CSMD3: variants seen among roughly 807,000 people sequenced by gnomAD.
CSMD3 encodes the protein CUB and sushi domain-containing protein 3.
In CSMD3, 177 loss-of-function variants were observed where a neutral mutation model predicts 435.2. The observed-to-expected ratio is 0.41, with a 90% confidence interval of 0.36 to 0.46. The LOEUF is 0.46. CSMD3 is among the 20% of genes least tolerant of loss of function. The probability of loss-of-function intolerance (pLI) is 0.34; values close to 1 mark genes in which losing one functional copy is unlikely to be tolerated. For synonymous variants in CSMD3, 1,656 were observed against 1,520.5 expected, an observed-to-expected ratio of 1.09 and a Z score of -2.07; for missense variants, 4,265 against 4,504.6, an observed-to-expected ratio of 0.95 and a Z score of 1.52.
intron 31 of CSMD3, among the ~76,000 whole-genome samples, chr8:112,489,843 T>C (rs1053651523): frequency 2.0e-5 from 3 of 152,286 alleles, no homozygotes; most frequent in Admixed American, 1.3e-4. Flanking sequence ...TTTATTCGAT[T>C]TCCATAATAT....
intron 4 of CSMD3, among the ~76,000 whole-genome samples, chr8:113,169,519 AT>A (rs1160119882): frequency 6.6e-6 from 1 of 152,142 alleles, no homozygotes; most frequent in Non-Finnish European, 1.5e-5. Flanking sequence ...CAAATCATCA[AT>A]ACAATATACC....
At chr8:112,615,777 T>C (rs924697151) in intron 22 of CSMD3, among the ~76,000 whole-genome samples, 12 of 152,094 alleles carry the variant, frequency 7.9e-5, no homozygotes, top group Non-Finnish European at 1.6e-4. Flanking sequence ...GGAGCTGCTA[T>C]AGCCAAAATG....
At chr8:112,828,554 G>A (rs978826290) in intron 12 of CSMD3, among the ~76,000 whole-genome samples, 7 of 152,082 alleles carry the variant, frequency 4.6e-5, no homozygotes, top group Admixed American at 1.3e-4. Context: ...TAAGTTTCCC[G>A]AGGTCTCCCA....
chr8:113,357,067 T>C (rs1017371395), intron 1 of CSMD3, among the ~76,000 whole-genome samples: 3 of 152,152 alleles, frequency 2.0e-5, no homozygotes, highest in African/African-American at 7.2e-5. Context: ...TATACATACA[T>C]ATATTTATGT....
intron 54 of CSMD3, 79 bp from the exon 55 acceptor site, chr8:112,292,789 A>AAG: frequency 1.6e-6 from 2 of 1,223,938 alleles, no homozygotes; most frequent in Non-Finnish European, 1.2e-6. Flanking sequence ...ATTATTGATT[A>AAG]TACTTAATCA....
rs571512083 is a variant in CSMD3 at position 113,407,941 on chromosome 8, G to A, written c.178+28736C>T. On this transcript the variant is annotated intron_variant, in intron 1 of 70. Coordinates refer to ENST00000297405, the MANE Select transcript of CSMD3 (RefSeq NM_198123.2). The stretch of plus-strand genomic sequence containing the variant: ...AGCTTTTTGAAGTACGCCTAGGACC[G>A]TAGTTTAAAGTTATAGAAAAAAAAT... 1.1e-4 allele frequency among the ~76,000 whole-genome samples: 17 copies of A among 152,138 alleles called. 1 individual carries two copies. Among genetic ancestry groups the A allele is most frequent in the South Asian group, 2.1e-4 (1 of 4,814 alleles).
chr8:113,125,375 C>G (rs953237034), intron 4 of CSMD3, among the ~76,000 whole-genome samples: 2 of 151,896 alleles, frequency 1.3e-5, no homozygotes, highest in Non-Finnish European at 2.9e-5. Flanking sequence ...ATATTCCCTT[C>G]TACAGTTCAG....
intron 2 of CSMD3, among the ~76,000 whole-genome samples, chr8:113,305,623 T>C (rs2093813973): frequency 6.6e-6 from 1 of 152,240 alleles, no homozygotes; most frequent in Non-Finnish European, 1.5e-5. Context: ...CATTTCTTTT[T>C]GGCAAAATGC....
At chr8:112,926,238 ATATGTG>A (rs1466872746) in intron 9 of CSMD3, among the ~76,000 whole-genome samples, 2 of 58,984 alleles carry the variant, frequency 3.4e-5, no homozygotes, top group African/African-American at 1.0e-4. Flanking sequence ...CACTCATTAA[ATATGTG>A]TGTGTGTGTG....
At chr8:113,257,953 G>A (rs2093397001) in intron 3 of CSMD3, among the ~76,000 whole-genome samples, 1 of 152,010 alleles carries the variant, frequency 6.6e-6, no homozygotes. Context: ...TTGATTTCAA[G>A]GTACTAAGAT....
At chr8:112,921,813 A>G (rs2082752981) in intron 9 of CSMD3, 62 bp from the exon 10 acceptor site, 1 of 1,347,072 alleles carries the variant, frequency 7.4e-7, no homozygotes, top group Admixed American at 1.7e-5. Flanking sequence ...ACTAGGCTTC[A>G]CTTCTGCTGG....
At chr8:112,632,362 G>C (rs1316818405) in intron 22 of CSMD3, among the ~76,000 whole-genome samples, 1 of 151,974 alleles carries the variant, frequency 6.6e-6, no homozygotes, top group East Asian at 1.9e-4. Context: ...ATTAAGGCAA[G>C]ATGTTGTTAC....
intron 27 of CSMD3, among the ~76,000 whole-genome samples, chr8:112,544,279 G>A (rs1238904840): frequency 6.6e-6 from 1 of 151,978 alleles, no homozygotes; most frequent in Non-Finnish European, 1.5e-5. Flanking sequence ...GTTGAAGATA[G>A]GTACTGTAAA....
intron 9 of CSMD3, among the ~76,000 whole-genome samples, chr8:112,923,695 T>G (rs963032894): frequency 6.6e-6 from 1 of 152,182 alleles, no homozygotes; most frequent in Admixed American, 6.6e-5. Flanking sequence ...TTTGTCTCCC[T>G]GCTTCCACTA....
At chr8:113,214,061 G>A (rs537197350) in intron 3 of CSMD3, among the ~76,000 whole-genome samples, 2 of 152,060 alleles carry the variant, frequency 1.3e-5, no homozygotes, top group East Asian at 3.9e-4. Flanking sequence ...TGGTTAAAAA[G>A]CATTAAGTGA....
chr8:112,857,771 A>G (rs1050661642), intron 11 of CSMD3, among the ~76,000 whole-genome samples: 12 of 151,744 alleles, frequency 7.9e-5, no homozygotes, highest in African/African-American at 2.7e-4. Flanking sequence ...GAAAAAAACT[A>G]CTGAGAATAG....
chr8:112,432,741 G>C (rs910116101), intron 32 of CSMD3, among the ~76,000 whole-genome samples: 2 of 151,998 alleles, frequency 1.3e-5, no homozygotes, highest in African/African-American at 4.8e-5. Flanking sequence ...AACCGGTTTG[G>C]GAAGCAAAAC....
chr8:113,141,171 T>A (rs1054804708), intron 4 of CSMD3, among the ~76,000 whole-genome samples: 2 of 150,824 alleles, frequency 1.3e-5, no homozygotes, highest in Admixed American at 6.6e-5. Context: ...ATAAAAAGTA[T>A]AATTTTAAAA....
intron 37 of CSMD3, among the ~76,000 whole-genome samples, chr8:112,382,490 A>G (rs1385608192): frequency 1.3e-5 from 2 of 152,092 alleles, no homozygotes; most frequent in Non-Finnish European, 2.9e-5. Flanking sequence ...TGGTTCCACA[A>G]GTCCATTTAA....
Sources: gnomAD v4.1 joint callset for allele counts (sites outside exome capture counted in the v4.1 genomes callset) on GRCh38, gnomAD v4.1.1 for gene constraint, MANE v1.5 for transcripts, NCBI Gene and HGNC (gene_info 2026-07-23, HGNC 2026-07-21) for gene names.